SV2C: variants seen among roughly 807,000 people sequenced by gnomAD.
SV2C encodes solute carrier family 22 member B3.
In SV2C, 49 loss-of-function variants were observed where a neutral mutation model predicts 79.7. The ratio of observed to expected loss-of-function variants is 0.61; its 90% CI spans 0.49 to 0.78. SV2C has a LOEUF of 0.78. Ranked by LOEUF, SV2C falls within the 30% of genes least tolerant of loss-of-function variation. The pLI, the probability that SV2C is intolerant of heterozygous loss-of-function variation, is 0.00. For synonymous variants in SV2C, 334 were observed against 333.2 expected (o/e 1.00, Z -0.03); for missense variants, 833 against 912.9 (o/e 0.91, Z 1.13).
chr5:76,192,429 T>A (rs2112323378), intron 2 of SV2C, among the ~76,000 whole-genome samples: 1 of 152,354 alleles, frequency 6.6e-6, no homozygotes, highest in African/African-American at 2.4e-5. Flanking sequence ...TGAAGATACC[T>A]TTTAAGTCTG....
chr5:76,082,078 T>G (rs149245007), upstream of SV2C: 1 of 152,438 alleles, frequency 6.6e-6, no homozygotes, highest in African/African-American at 2.4e-5. Flanking sequence ...GCAGCCCGTA[T>G]TGGCGCGGCG....
intron 2 of SV2C, among the ~76,000 whole-genome samples, chr5:76,150,465 G>A (rs560035846): frequency 9.2e-5 from 14 of 151,864 alleles, no homozygotes; most frequent in Admixed American, 2.0e-4. Context: ...CGCGAGCCAC[G>A]GCACCCAGCC....
intron 2 of SV2C, chr5:76,173,523 A>G: frequency 9.0e-7 from 1 of 1,110,256 alleles, no homozygotes; most frequent in Non-Finnish European, 1.4e-6. Context: ...ACCACAGGAA[A>G]GTCCATTTAA....
At chr5:76,008,832 G>A in the SV2C span, among the ~76,000 whole-genome samples, 8 of 152,206 alleles carry the variant, frequency 5.3e-5, no homozygotes, top group South Asian at 1.7e-3. Flanking sequence ...TCCTGAGGAT[G>A]GTCCACAGGC....
intron 12 of SV2C, among the ~76,000 whole-genome samples, chr5:76,318,690 A>G (rs759384412): frequency 6.6e-6 from 1 of 152,244 alleles, no homozygotes; most frequent in Non-Finnish European, 1.5e-5. Flanking sequence ...GAAATAATTT[A>G]CATTTAAAAA....
the SV2C span, among the ~76,000 whole-genome samples, chr5:76,009,553 G>A: frequency 4.6e-5 from 7 of 152,266 alleles, no homozygotes; most frequent in South Asian, 2.1e-4. Flanking sequence ...AGTGTGGTAC[G>A]TATACACCAT....
At chr5:76,163,391 G>T (rs1470971952) in intron 2 of SV2C, among the ~76,000 whole-genome samples, 1 of 152,194 alleles carries the variant, frequency 6.6e-6, no homozygotes, top group East Asian at 1.9e-4. Context: ...TGTACATGGG[G>T]GACAAAAGCC....
chr5:76,208,177 A>T (rs924713379), intron 3 of SV2C, among the ~76,000 whole-genome samples: 4 of 152,228 alleles, frequency 2.6e-5, no homozygotes, highest in African/African-American at 9.6e-5. Flanking sequence ...TCCCACTAAG[A>T]AACACACTGT....
chr5:76,184,010 A>G (rs1397480569), intron 2 of SV2C, among the ~76,000 whole-genome samples: 6 of 152,248 alleles, frequency 3.9e-5, no homozygotes, highest in Non-Finnish European at 8.8e-5. Context: ...ATCTCCCAGG[A>G]AACCAAAGGT....
At chr5:75,956,988 G>A in the SV2C span, among the ~76,000 whole-genome samples, 2 of 151,896 alleles carry the variant, frequency 1.3e-5, no homozygotes, top group African/African-American at 2.4e-5. Flanking sequence ...AAGGCAAGGT[G>A]ATAGATTAAG....
At position 76,242,081 on chromosome 5, in the gene SV2C, A is replaced by G. The variant is rs1260431740; in HGVS notation, c.913+32194A>G. On this transcript the variant is annotated intron_variant, in intron 4 of 12. Transcript: ENST00000502798. ...GCGCCTGGTCTGTTTTGGCATCTCC[A>G]TTTCCTGCAGGGTTATTTCCCTCCT... 13 of 1,442,810 alleles carry G rather than the reference A, an allele frequency of 9.0e-6. No individual in the cohort carries two copies. The African/African-American group carries it at 9.7e-5, about 11-fold the overall frequency. The allele number at this position is 1,442,810 out of a possible 1,614,324, so 89.4% of individuals were successfully genotyped here.
chr5:76,325,885 G>A lies in SV2C; in HGVS notation c.*338G>A, dbSNP rs1432216184. On this transcript the variant is annotated 3_prime_UTR_variant, in exon 13 of 13. Coordinates refer to ENST00000502798, the MANE Select transcript of SV2C (RefSeq NM_014979.4). Reference sequence around the variant, plus strand: ...AAAGTTTAGAAGCTAAGAAGACTGGGCTGGTGTAAGAAATAGATCCTGCTC... The same window carrying A: ...AAAGTTTAGAAGCTAAGAAGACTGGACTGGTGTAAGAAATAGATCCTGCTC... 2 of 208,262 alleles carry A rather than the reference G, an allele frequency of 9.6e-6. No homozygotes were observed. The highest frequency in any genetic ancestry group is 1.9e-5 in the Non-Finnish European group (2 of 105,192). The allele number at this position is 208,262 out of a possible 1,614,324, so 12.9% of individuals were successfully genotyped here. A position where few individuals can be genotyped will look rare whatever the true frequency, so the allele number is the denominator to read the frequency against.
At chr5:76,092,054 A>G (rs2112099011) in intron 1 of SV2C, among the ~76,000 whole-genome samples, 1 of 152,338 alleles carries the variant, frequency 6.6e-6, no homozygotes, top group African/African-American at 2.4e-5. Flanking sequence ...AAATATAGCA[A>G]TTTATGACCA....
At chr5:75,999,437 G>T in the SV2C span, among the ~76,000 whole-genome samples, 1 of 150,266 alleles carries the variant, frequency 6.7e-6, no homozygotes, top group Non-Finnish European at 1.5e-5. Flanking sequence ...AGCTCCCACA[G>T]TTATGGACAC....
chr5:76,238,852 T>G (rs1745696394), intron 4 of SV2C, among the ~76,000 whole-genome samples: 1 of 152,222 alleles, frequency 6.6e-6, no homozygotes, highest in African/African-American at 2.4e-5. Flanking sequence ...ACTTTTAGTC[T>G]CACACTTAAC....
chr5:76,044,059 T>TC, the SV2C span, among the ~76,000 whole-genome samples: 1 of 152,098 alleles, frequency 6.6e-6, no homozygotes, highest in Non-Finnish European at 1.5e-5. Flanking sequence ...ATGCTCTCCC[T>TC]CCCCCTGCTC....
At chr5:75,921,336 C>A in the SV2C span, 5 of 1,090,154 alleles carry the variant, frequency 4.6e-6, no homozygotes, top group Non-Finnish European at 1.4e-6. Flanking sequence ...GAGCTCACAT[C>A]CACATGCTGC....
chr5:76,304,551 A>G (rs977000962), intron 12 of SV2C, among the ~76,000 whole-genome samples: 10 of 152,368 alleles, frequency 6.6e-5, no homozygotes, highest in African/African-American at 2.4e-4. Context: ...CTAACAAAGT[A>G]CCTGAGACTA....
At chr5:76,069,193 G>T in the SV2C span, among the ~76,000 whole-genome samples, 2 of 152,238 alleles carry the variant, frequency 1.3e-5, no homozygotes, top group African/African-American at 4.8e-5. Flanking sequence ...CAAGAATCTG[G>T]GGTGCAGATT....
Sources: allele counts gnomAD v4.1 joint callset (sites outside exome capture counted in the v4.1 genomes callset), GRCh38; gene constraint gnomAD v4.1.1; transcripts MANE v1.5; gene names NCBI Gene and HGNC (gene_info 2026-07-23, HGNC 2026-07-21).